Variants in ASIC2 observed in about 807,000 individuals in gnomAD.
ASIC2 encodes acid-sensing ion channel 2.
Under a neutral mutation model 57.3 loss-of-function variants are expected in ASIC2, and 25 were observed. The ratio of observed to expected loss-of-function variants is 0.44; its 90% confidence interval spans 0.32 to 0.61. The LOEUF is 0.61. Among genes scored for constraint, ASIC2 ranks in the 20% least tolerant of loss-of-function variants. ASIC2 has a pLI of 0.06. For synonymous variants in ASIC2, 319 were observed against 307.5 expected (o/e 1.04, Z -0.39); for missense variants, 641 against 738.1 (o/e 0.87, Z 1.52).
intron 1 of ASIC2, among the ~76,000 whole-genome samples, chr17:34,055,818 T>G (rs1989944): frequency 0.13 from 19,424 of 152,218 alleles, 1,381 homozygotes; most frequent in East Asian, 0.31. Context: ...CTAATGTAAA[T>G]AAACCTGCTA....
At chr17:33,164,944 C>T (rs900594913) in intron 1 of ASIC2, among the ~76,000 whole-genome samples, 1 of 152,210 alleles carries the variant, frequency 6.6e-6, no homozygotes, top group Non-Finnish European at 1.5e-5. Flanking sequence ...TCTCTCCACC[C>T]TTCCTTTTGA....
chr17:33,567,451 A>G (rs1458868247), intron 1 of ASIC2, among the ~76,000 whole-genome samples: 1 of 152,214 alleles, frequency 6.6e-6, no homozygotes, highest in Non-Finnish European at 1.5e-5. Context: ...GGGAAATTCC[A>G]GGGAAGGGTA....
intron 1 of ASIC2, among the ~76,000 whole-genome samples, chr17:33,614,580 T>A (rs1490523147): frequency 6.6e-6 from 1 of 152,260 alleles, no homozygotes; most frequent in Admixed American, 6.5e-5. Flanking sequence ...AGTTTATTTA[T>A]TTTTTGAAAA....
At chr17:33,978,239 T>A (rs1166198004) in intron 1 of ASIC2, among the ~76,000 whole-genome samples, 2 of 152,236 alleles carry the variant, frequency 1.3e-5, no homozygotes, top group African/African-American at 4.8e-5. Flanking sequence ...AAGCCTCATT[T>A]GCCTAAGTTT....
chr17:33,318,889 A>G (rs1321427954), intron 1 of ASIC2, among the ~76,000 whole-genome samples: 2 of 152,334 alleles, frequency 1.3e-5, no homozygotes, highest in Non-Finnish European at 2.9e-5. Context: ...AGGGAAGGAA[A>G]GTGATTCCAG....
Position 33,591,564 on chromosome 17 carries a change from C to G in ASIC2, c.556-479497G>C, listed in dbSNP as rs141952448. Among the ~76,000 whole-genome samples, 431 of 152,270 alleles carry G rather than the reference C, an allele frequency of 2.8e-3. 4 individuals are homozygous for G. The highest frequency in any genetic ancestry group is 4.6e-3 in the Non-Finnish European group (311 of 68,020). Reference sequence around the variant, plus strand: ...CACTCCAATATCCTTTCTGGGCCATCCCCCCAGCTGCTAGGGGTAGTGGGT... The same window carrying G: ...CACTCCAATATCCTTTCTGGGCCATGCCCCCAGCTGCTAGGGGTAGTGGGT... On this transcript the variant is annotated intron_variant, in intron 1 of 9. Transcript: ENST00000359872.
chr17:33,512,315 A>T (rs1219649388), intron 1 of ASIC2, among the ~76,000 whole-genome samples: 1 of 152,194 alleles, frequency 6.6e-6, no homozygotes, highest in East Asian at 1.9e-4. Context: ...AACATGAGTC[A>T]TCATTATTTT....
Position 33,132,728 on chromosome 17 carries a change from T to A in ASIC2, c.709-20661A>T, listed in dbSNP as rs530582495. Among the ~76,000 whole-genome samples, 3 of 152,326 alleles carry A rather than the reference T, an allele frequency of 2.0e-5. No homozygotes were observed. In the South Asian group the frequency reaches 6.2e-4, roughly 32 times the overall value. On this transcript the variant is annotated intron_variant, in intron 1 of 9. Coordinates refer to ENST00000225823, the MANE Select transcript of ASIC2 (RefSeq NM_183377.2). ...CCTGGGTCCTGGCTTTATGCAGGCA[T>A]CTTGGTTCCAGGGCTGTCTCATGTC...
chr17:33,501,093 T>A (rs1274163693), intron 1 of ASIC2, among the ~76,000 whole-genome samples: 1 of 152,204 alleles, frequency 6.6e-6, no homozygotes, highest in Non-Finnish European at 1.5e-5. Context: ...GAATCCCCAG[T>A]GAAATTCCCT....
At chr17:33,171,733 T>C in intron 1 of ASIC2, among the ~76,000 whole-genome samples, 1 of 152,164 alleles carries the variant, frequency 6.6e-6, no homozygotes, top group East Asian at 1.9e-4. Flanking sequence ...TAACCTGGGG[T>C]CATAACCCTG....
At chr17:33,971,809 A>G (rs1419971552) in intron 1 of ASIC2, among the ~76,000 whole-genome samples, 1 of 152,222 alleles carries the variant, frequency 6.6e-6, no homozygotes, top group African/African-American at 2.4e-5. Context: ...GATTTAGAAC[A>G]ATCTGCATCC....
At chr17:34,034,576 C>T (rs1055123757) in intron 1 of ASIC2, among the ~76,000 whole-genome samples, 1 of 152,172 alleles carries the variant, frequency 6.6e-6, no homozygotes, top group Non-Finnish European at 1.5e-5. Context: ...CAAATTGTCC[C>T]TGTTTGCAGA....
chr17:33,487,929 C>T (rs1467015562), intron 1 of ASIC2, among the ~76,000 whole-genome samples: 3 of 152,148 alleles, frequency 2.0e-5, no homozygotes, highest in Admixed American at 6.5e-5. Flanking sequence ...TCCCCTACTT[C>T]GGAGGTTTTG....
At chr17:33,536,539 AT>A (rs1915235921) in intron 1 of ASIC2, among the ~76,000 whole-genome samples, 1 of 152,106 alleles carries the variant, frequency 6.6e-6, no homozygotes, top group South Asian at 2.1e-4. Context: ...TCCACTGAAT[AT>A]TTTCCAAGTT....
intron 1 of ASIC2, chr17:33,692,277 A>G (rs1484338601): frequency 2.0e-5 from 3 of 152,150 alleles, no homozygotes; most frequent in Non-Finnish European, 4.4e-5. Flanking sequence ...CACAGGAACT[A>G]CAATCACAGT....
chr17:33,991,687 C>A (rs1214496089), intron 1 of ASIC2, among the ~76,000 whole-genome samples: 2 of 152,184 alleles, frequency 1.3e-5, no homozygotes, highest in East Asian at 1.9e-4. Flanking sequence ...ATATTCCCCA[C>A]CAACTAAGGC....
chr17:33,576,687 G>T (rs545830952), intron 1 of ASIC2, among the ~76,000 whole-genome samples: 6 of 152,224 alleles, frequency 3.9e-5, no homozygotes, highest in African/African-American at 1.4e-4. Context: ...CAGTGCTCTT[G>T]GTACAGGCAG....
chr17:33,821,043 T>A (rs750589150), intron 1 of ASIC2, among the ~76,000 whole-genome samples: 1 of 152,226 alleles, frequency 6.6e-6, no homozygotes, highest in Non-Finnish European at 1.5e-5. Flanking sequence ...ATGCTTGAGA[T>A]GAATAAAGCA....
Position 33,781,985 on chromosome 17 carries a change from T to A in ASIC2, c.555+373993A>T, listed in dbSNP as rs1000868041. ...TTCTGTAGGAACCTCCCCTGCATGG[T>A]CTCCCTGCCTCCAATCTGGCCTCTT... is the stretch of plus-strand genomic sequence containing the variant. On this transcript the variant is annotated intron_variant, in intron 1 of 9. Transcript: ENST00000359872. 3.3e-5 allele frequency among the ~76,000 whole-genome samples: 5 copies of A among 152,096 alleles called. No homozygotes were observed. The East Asian group carries it at 9.7e-4, about 29-fold the overall frequency.
Sources: gnomAD v4.1 joint callset for allele counts (sites outside exome capture counted in the v4.1 genomes callset) on GRCh38, gnomAD v4.1.1 for gene constraint, MANE v1.5 for transcripts, NCBI Gene and HGNC (gene_info 2026-07-23, HGNC 2026-07-21) for gene names.